The following AGPAT5 variants were observed in gnomAD, a reference collection of about 807,000 sequenced individuals.
AGPAT5 encodes 1-acylglycerol-3-phosphate O-acyltransferase 5, also known as 1-acyl-sn-glycerol-3-phosphate acyltransferase epsilon.
A neutral mutation model predicts 45.6 loss-of-function variants in AGPAT5; 46 were observed. That is an observed-to-expected ratio of 1.01 (90% CI 0.80 to 1.29). The LOEUF (loss-of-function observed/expected upper bound fraction) is 1.29. AGPAT5 is among the 50% of genes most tolerant of loss of function. AGPAT5 has a pLI of 0.00. For missense variants in AGPAT5, 673 were observed against 450.7 expected (o/e 1.49, Z -4.47); for synonymous variants, 272 against 167.0 (o/e 1.63, Z -4.85).
chr8:6,736,167 T>C (rs1408850299), intron 4 of AGPAT5, among the ~76,000 whole-genome samples: 3 of 152,182 alleles, frequency 2.0e-5, no homozygotes, highest in African/African-American at 7.2e-5. Context: ...CATCTAGCTT[T>C]AACATCTAAT....
intron 3 of AGPAT5, among the ~76,000 whole-genome samples, chr8:6,731,312 GT>G (rs1800854834): frequency 6.6e-6 from 1 of 152,046 alleles, no homozygotes; most frequent in Non-Finnish European, 1.5e-5. Context: ...TCCATATGCG[GT>G]TTTCCTTCAG....
At chr8:6,726,733 A>G (rs552988784) in intron 2 of AGPAT5, among the ~76,000 whole-genome samples, 4 of 152,288 alleles carry the variant, frequency 2.6e-5, no homozygotes, top group African/African-American at 4.8e-5. Context: ...AATTTCATTT[A>G]TCAGTTTAGA....
chr8:6,727,811 G>C (rs187104052), intron 2 of AGPAT5, among the ~76,000 whole-genome samples: 4 of 152,320 alleles, frequency 2.6e-5, no homozygotes, highest in Admixed American at 6.5e-5. Flanking sequence ...GAGAGACCCA[G>C]GTTCCTGTTC....
At chr8:6,753,002 C>CT (rs1801707966) in intron 6 of AGPAT5, among the ~76,000 whole-genome samples, 1 of 152,186 alleles carries the variant, frequency 6.6e-6, no homozygotes, top group African/African-American at 2.4e-5. Context: ...TTGGTCGTCT[C>CT]TGAGACTTAG....
chr8:6,713,626 C>T (rs918584216), intron 1 of AGPAT5, among the ~76,000 whole-genome samples: 1 of 152,192 alleles, frequency 6.6e-6, no homozygotes, highest in African/African-American at 2.4e-5. Context: ...GCAGTCTCCA[C>T]TCACTGCAAC....
rs1451728748 is a variant in AGPAT5 at position 6,759,806 on chromosome 8, A to G, written c.*2418A>G. The G allele has an allele frequency of 1.3e-5, 2 of 152,202 alleles. No individual in the cohort carries two copies. Among genetic ancestry groups the G allele is most frequent in the African/African-American group, 4.8e-5 (2 of 41,442 alleles). 9.4% of individuals were successfully genotyped at this position (152,202 alleles called of 1,614,324 possible). A position where few individuals can be genotyped will look rare whatever the true frequency, so the allele number is the denominator to read the frequency against. On this transcript the variant is annotated 3_prime_UTR_variant, in exon 8 of 8. Transcript: ENST00000285518. The stretch of plus-strand genomic sequence containing the variant: ...GCAAAGTTTTAAAAAAATACACTAA[A>G]ATAATCAAAACTGTTAAGCAGTATA...
intron 5 of AGPAT5, chr8:6,745,196 A>G (rs1225663907): frequency 1.9e-5 from 3 of 154,306 alleles, no homozygotes; most frequent in African/African-American, 7.2e-5. Flanking sequence ...CTAAGAAGAA[A>G]ACTTTGGAGA....
At chr8:6,739,120 T>A (rs770050051) in intron 4 of AGPAT5, among the ~76,000 whole-genome samples, 3 of 152,118 alleles carry the variant, frequency 2.0e-5, no homozygotes, top group Non-Finnish European at 2.9e-5. Flanking sequence ...CCTAGATCAA[T>A]GGAGCATTTG....
intron 6 of AGPAT5, among the ~76,000 whole-genome samples, chr8:6,750,533 C>G (rs1801624091): frequency 6.6e-6 from 1 of 152,082 alleles, no homozygotes; most frequent in Non-Finnish European, 1.5e-5. Flanking sequence ...GACTGAAAGA[C>G]AAACTGGGAA....
intron 6 of AGPAT5, among the ~76,000 whole-genome samples, chr8:6,748,778 G>A (rs956116144): frequency 6.6e-6 from 1 of 152,066 alleles, no homozygotes; most frequent in African/African-American, 2.4e-5. Flanking sequence ...TGAGCTTTGT[G>A]TTTTTACCTC....
At chr8:6,747,626 G>A (rs1362036424) in intron 5 of AGPAT5, 44 bp from the exon 6 acceptor site, 1 of 1,556,348 alleles carries the variant, frequency 6.4e-7, no homozygotes. Flanking sequence ...ATATTGTGGA[G>A]GTGTTTTGTA....
At position 6,758,750 on chromosome 8, in the gene AGPAT5, G is replaced by T. The variant is rs1038162999; in HGVS notation, c.*1362G>T. On this transcript the variant is annotated 3_prime_UTR_variant, in exon 8 of 8. Coordinates refer to ENST00000285518, the MANE Select transcript of AGPAT5 (RefSeq NM_018361.5). ...TTAGCCATGGAACAATATATCCCATGGGAGAAGACCTTTCAGTGTGAACTG... is the reference window on the plus strand; with the variant it reads ...TTAGCCATGGAACAATATATCCCATTGGAGAAGACCTTTCAGTGTGAACTG... The T allele has an allele frequency of 6.6e-6, 1 of 152,634 alleles. No individual in the cohort carries two copies. The highest frequency in any genetic ancestry group is 1.5e-5 in the Non-Finnish European group (1 of 68,036). 9.5% of individuals were successfully genotyped at this position (152,634 alleles called of 1,614,324 possible).
chr8:6,713,921 T>C (rs554374553), intron 1 of AGPAT5, among the ~76,000 whole-genome samples: 28 of 152,378 alleles, frequency 1.8e-4, no homozygotes, highest in Non-Finnish European at 4.0e-4. Flanking sequence ...ACTGGATCTT[T>C]CTTTGTGTAG....
At position 6,760,333 on chromosome 8, in the gene AGPAT5, G is replaced by C. The variant is rs1174884805; in HGVS notation, c.*2945G>C. Among the ~76,000 whole-genome samples the C allele has an allele frequency of 1.3e-5, 2 of 152,164 alleles. No individual in the cohort carries two copies. The highest frequency in any genetic ancestry group is 2.4e-5 in the African/African-American group (1 of 41,418). ...GGATCGCTTCAGCCCAGGAGGTTGA[G>C]ATTGCAGTGAGCCATGGACATACCA... On this transcript the variant is annotated 3_prime_UTR_variant, in exon 8 of 8. Transcript: ENST00000285518.
intron 5 of AGPAT5, 132 bp downstream of exon 5, chr8:6,741,883 A>C (rs1801255708): frequency 1.6e-6 from 1 of 638,650 alleles, no homozygotes; most frequent in Non-Finnish European, 2.7e-6. Context: ...ATTAGTGTAC[A>C]TATTATCTCT....
intron 7 of AGPAT5, among the ~76,000 whole-genome samples, chr8:6,755,734 A>T (rs900362489): frequency 1.3e-5 from 2 of 152,212 alleles, no homozygotes; most frequent in Non-Finnish European, 2.9e-5. Flanking sequence ...TGCTCAAGAA[A>T]CTATCATTGT....
chr8:6,710,265 G>T (rs1001257116), intron 1 of AGPAT5, among the ~76,000 whole-genome samples: 6 of 152,150 alleles, frequency 3.9e-5, no homozygotes, highest in Admixed American at 2.6e-4. Context: ...ACCTAGCAGT[G>T]TTTCTGAAAT....
Position 6,761,372 on chromosome 8 carries a change from CCAG to C in AGPAT5, c.*3988_*3990del, listed in dbSNP as rs1802039660. ...AAGGTGCTATTGAAATTCTGTGTCT[CCAG>C]CAGGCAAGAATACTTGACTAACTCT... On this transcript the variant is annotated 3_prime_UTR_variant, in exon 8 of 8. Transcript: ENST00000285518. 6.6e-6 allele frequency among the ~76,000 whole-genome samples: 1 copy of C among 152,110 alleles called. No homozygotes were observed. Among genetic ancestry groups the C allele is most frequent in the South Asian group, 2.1e-4 (1 of 4,830 alleles).
At chr8:6,728,441 C>G (rs902046499) in intron 2 of AGPAT5, among the ~76,000 whole-genome samples, 1 of 152,182 alleles carries the variant, frequency 6.6e-6, no homozygotes, top group East Asian at 1.9e-4. Flanking sequence ...ACTAGTTAAG[C>G]TAGTTCTTAA....
Sources: allele counts gnomAD v4.1 joint callset (sites outside exome capture counted in the v4.1 genomes callset), GRCh38; gene constraint gnomAD v4.1.1; transcripts MANE v1.5; gene names NCBI Gene and HGNC (gene_info 2026-07-23, HGNC 2026-07-21).